ICE1: variants seen among roughly 807,000 people sequenced by gnomAD.
ICE1 encodes the protein little elongation complex subunit 1.
A neutral mutation model predicts 192.7 loss-of-function variants in ICE1; 64 were observed. The observed-to-expected ratio is 0.33, with a 90% CI of 0.27 to 0.41. The LOEUF is 0.41. Among genes scored for constraint, ICE1 ranks in the 10% least tolerant of loss-of-function variants. ICE1 has a pLI of 1.00. For missense variants in ICE1, 2,708 were observed against 2,696.0 expected (o/e 1.00, Z -0.10); for synonymous variants, 1,010 against 984.5 (o/e 1.03, Z -0.49).
At position 5,463,167 on chromosome 5, in the gene ICE1, A is replaced by G. The variant is rs373902636; in HGVS notation, c.3833A>G (p.Asn1278Ser). 41 of 1,611,928 alleles carry G rather than the reference A, an allele frequency of 2.5e-5. No individual in the cohort carries two copies. The highest frequency in any genetic ancestry group is 9.4e-5 in the African/African-American group (7 of 74,854). The change falls in exon 13 of 19, where the codon AAT becomes AGT. Residue 1278 changes from asparagine to serine, a missense_variant. This residue lies in a region of ICE1 where 2,366 missense variants were observed against 2,276.6 expected (regional missense o/e 1.04). Transcript: ENST00000296564. The part of the protein sequence containing the change: ...QELQTNSEDC[N>S]GKDTGSLLLL... The stretch of plus-strand genomic sequence containing the variant: ...CTTCAAACAAATTCTGAAGATTGCA[A>G]TGGTAAAGATACTGGCAGTTTATTG...
intron 13 of ICE1, 40 bp downstream of exon 13, chr5:5,465,266 T>C (rs1738950920): frequency 3.6e-6 from 5 of 1,398,258 alleles, no homozygotes; most frequent in Middle Eastern, 1.8e-4. Context: ...AGGGATTACA[T>C]GTCCTCAAAG....
chr5:5,464,756 A>G lies in ICE1; in HGVS notation c.5422A>G (p.Lys1808Glu), dbSNP rs1738927367. The change falls in exon 13 of 19, where the codon AAA becomes GAA. Residue 1808 changes from lysine (K) to glutamate (E), a missense_variant. Around this residue, in one of 2 missense-constraint regions of ICE1, gnomAD observed 2,366 missense variants for 2,276.6 expected, o/e 1.04. Transcript: ENST00000296564. The surrounding 1 kb of genome is among the most constrained non-coding windows in gnomAD (Gnocchi z 4.0). Reference protein sequence around the residue: ...TITSAATAFVKTGSSSGGDCN... With the variant: ...TITSAATAFVETGSSSGGDCN... ...CACTTCAGCAGCAACTGCTTTTGTC[A>G]AAACTGGGAGCAGCTCTGGTGGTGA... The G allele has an allele frequency of 5.6e-6, 9 of 1,613,734 alleles. No homozygotes were observed. Among genetic ancestry groups the G allele is most frequent in the Non-Finnish European group, 7.6e-6 (9 of 1,179,832 alleles).
At chr5:5,476,290 T>C (rs1739310424) in intron 17 of ICE1, among the ~76,000 whole-genome samples, 1 of 152,242 alleles carries the variant, frequency 6.6e-6, no homozygotes, top group Non-Finnish European at 1.5e-5. Context: ...AGATTTTTCA[T>C]ATTAGTACAT....
chr5:5,484,601 C>T (rs1266392825), intron 17 of ICE1, among the ~76,000 whole-genome samples: 1 of 152,200 alleles, frequency 6.6e-6, no homozygotes, highest in Non-Finnish European at 1.5e-5. Context: ...ACAATATCAT[C>T]TTACATTGGG....
At chr5:5,473,381 A>G (rs1739221271) in intron 15 of ICE1, among the ~76,000 whole-genome samples, 177 bp from the exon 16 acceptor site, 1 of 152,184 alleles carries the variant, frequency 6.6e-6, no homozygotes, top group Admixed American at 6.5e-5. Flanking sequence ...TCCAGCTACC[A>G]TTGTGTAATC....
chr5:5,441,109 T>C lies in ICE1; in HGVS notation c.198-3T>C, dbSNP rs72646674. The C allele has an allele frequency of 7.7e-3, 11,602 of 1,499,650 alleles. 75 individuals are homozygous for C. The highest frequency in any genetic ancestry group is 9.3e-3 in the Non-Finnish European group (10,245 of 1,098,782). The allele number at this position is 1,499,650 out of a possible 1,614,324, so 92.9% of individuals were successfully genotyped here. ...TGTAATAATGTTAATTCATTGTCTT[T>C]AGAGAGAATAGTAATCTGCATCACC... On this transcript the variant is annotated splice_polypyrimidine_tract_variant and splice_region_variant and intron_variant, in intron 4 of 18. Coordinates refer to ENST00000296564, the MANE Select transcript of ICE1 (RefSeq NM_015325.3).
chr5:5,472,189 C>T (rs1213744776), intron 15 of ICE1, among the ~76,000 whole-genome samples: 3 of 152,130 alleles, frequency 2.0e-5, no homozygotes, highest in Admixed American at 6.5e-5. Context: ...TCTTCAAAAA[C>T]ACTTAAAGTA....
In ICE1 at chr5:5,465,102, C is replaced by T; in HGVS notation, c.5768C>T (p.Ala1923Val). The stretch of plus-strand genomic sequence containing the variant: ...ATAGCTAATGCCCTGAAGAAAATTG[C>T]AGAGTTTTCTTTTGATCTGTTACCT... Reference protein sequence around the residue: ...KAIANALKKIAEFSFDLLPVI... With the variant: ...KAIANALKKIVEFSFDLLPVI... The change falls in exon 13 of 19, where the codon GCA (alanine) becomes GTA (valine). Residue 1923 changes from alanine (A) to valine (V), a missense_variant. Ala to Val is a moderately conservative substitution (Grantham distance 64). Around this residue, in one of 2 missense-constraint regions of ICE1, gnomAD observed 2,366 missense variants for 2,276.6 expected, o/e 1.04. Transcript: ENST00000296564. 6.2e-7 allele frequency: 1 copy of T among 1,613,270 alleles called. No individual in the cohort carries two copies. The highest frequency in any genetic ancestry group is 2.2e-5 in the East Asian group (1 of 44,876).
chr5:5,455,106 T>C (rs1313500859), intron 11 of ICE1, among the ~76,000 whole-genome samples: 2 of 152,230 alleles, frequency 1.3e-5, no homozygotes, highest in Non-Finnish European at 2.9e-5. Context: ...CAGATAGCTG[T>C]CTTGTATAAG....
chr5:5,455,891 C>T (rs943647465), intron 11 of ICE1, among the ~76,000 whole-genome samples: 2 of 152,138 alleles, frequency 1.3e-5, no homozygotes, highest in African/African-American at 2.4e-5. Context: ...TTCCAGGATG[C>T]AGTACAGGAA....
intron 17 of ICE1, among the ~76,000 whole-genome samples, chr5:5,480,890 C>T (rs1739485093): frequency 1.3e-5 from 2 of 152,126 alleles, no homozygotes; most frequent in Non-Finnish European, 2.9e-5. Flanking sequence ...AGAGATACAT[C>T]AGAAGATAAG....
Position 5,489,529 on chromosome 5 carries a change from A to G in ICE1, c.*199A>G. 1 of 500,774 alleles carries G rather than the reference A, an allele frequency of 2.0e-6. No homozygotes were observed. Among genetic ancestry groups the G allele is most frequent in the South Asian group, 3.7e-5 (1 of 26,830 alleles). 31.0% of individuals were successfully genotyped at this position (500,774 alleles called of 1,614,324 possible). On this transcript the variant is annotated 3_prime_UTR_variant, in exon 19 of 19. Coordinates refer to ENST00000296564, the MANE Select transcript of ICE1 (RefSeq NM_015325.3). The stretch of plus-strand genomic sequence containing the variant: ...ATAGTCGTTTTTCCCTAAATCTAAT[A>G]CGTTTCACTTAAGGCTGTTGTGATC...
rs761265494 is a variant in ICE1, at chr5:5,457,372, G to A, written c.732G>A (p.Gly244=). ...CAATCACCAGCTCCAGAGTGCCTGG[G>A]GAAGATGGTACGCTACCTCCAACAC... ...AKAITSSRVP[G]EDGTLPPTQG... Residue 244 remains glycine, a synonymous_variant, in exon 12 of 19, where the codon GGG becomes GGA. Coordinates refer to ENST00000296564, the MANE Select transcript of ICE1 (RefSeq NM_015325.3). 1 of 1,613,292 alleles carries A rather than the reference G, an allele frequency of 6.2e-7. No individual in the cohort carries two copies. Among genetic ancestry groups the A allele is most frequent in the East Asian group, 2.2e-5 (1 of 44,856 alleles).
At chr5:5,442,047 T>G (rs568477222) in intron 5 of ICE1, among the ~76,000 whole-genome samples, 1 of 152,308 alleles carries the variant, frequency 6.6e-6, no homozygotes, top group African/African-American at 2.4e-5. Flanking sequence ...ACGTATGTCT[T>G]TTCATGGAAG....
intron 3 of ICE1, 120 bp downstream of exon 3, chr5:5,437,234 T>C: frequency 1.4e-6 from 1 of 690,200 alleles, no homozygotes; most frequent in South Asian, 1.7e-5. Flanking sequence ...CAGGCTTCAG[T>C]AGGGAGCATG....
chr5:5,465,085 T>A lies in ICE1; in HGVS notation c.5751T>A (p.Asn1917Lys). ...AGTCCCATGATAAAGCCATAGCTAATGCCCTGAAGAAAATTGCAGAGTTTT... is the reference window on the plus strand; with the variant it reads ...AGTCCCATGATAAAGCCATAGCTAAAGCCCTGAAGAAAATTGCAGAGTTTT... ...TVESHDKAIA[N>K]ALKKIAEFSF... The change falls in exon 13 of 19, where the codon AAT (asparagine) becomes AAA (lysine). Residue 1917 changes from asparagine (N) to lysine (K), a missense_variant. Asn to Lys is a moderately conservative substitution (Grantham distance 94). This residue lies in a region of ICE1 where 2,366 missense variants were observed against 2,276.6 expected (regional missense o/e 1.04). Coordinates refer to ENST00000296564, the MANE Select transcript of ICE1 (RefSeq NM_015325.3). The A allele has an allele frequency of 6.2e-7, 1 of 1,613,858 alleles. No homozygotes were observed. Among genetic ancestry groups the A allele is most frequent in the East Asian group, 2.2e-5 (1 of 44,888 alleles).
intron 18 of ICE1, among the ~76,000 whole-genome samples, chr5:5,488,225 G>A (rs1255006389): frequency 6.6e-6 from 1 of 152,182 alleles, no homozygotes; most frequent in East Asian, 1.9e-4. Flanking sequence ...GAATGTGTGG[G>A]CTTTTGTATT....
intron 14 of ICE1, among the ~76,000 whole-genome samples, chr5:5,468,134 T>C (rs992809775): frequency 1.3e-5 from 2 of 152,174 alleles, no homozygotes; most frequent in Non-Finnish European, 2.9e-5. Context: ...ACCAACATGC[T>C]GAGTGGGGAA....
Position 5,422,746 on chromosome 5 carries a change from G to C in ICE1, c.-170G>C. ...TAGTGCCTGAGGCAGCTCTGGCTCG[G>C]AGAGCCTTTTGCTAGCCCCACGGGG... On this transcript the variant is annotated 5_prime_UTR_variant, in exon 1 of 19. Coordinates refer to ENST00000296564, the MANE Select transcript of ICE1 (RefSeq NM_015325.3). 2.6e-6 allele frequency: 1 copy of C among 382,430 alleles called. No individual in the cohort carries two copies. 23.7% of individuals were successfully genotyped at this position (382,430 alleles called of 1,614,324 possible).
Sources: allele counts gnomAD v4.1 joint callset (sites outside exome capture counted in the v4.1 genomes callset), GRCh38; gene constraint gnomAD v4.1.1; regional missense constraint gnomAD v4.1.1; non-coding constraint Gnocchi (gnomAD v3.1); transcripts MANE v1.5; gene names NCBI Gene and HGNC (gene_info 2026-07-23, HGNC 2026-07-21).